UNC5D: variants seen among roughly 807,000 people sequenced by gnomAD.
The protein encoded by UNC5D is unc-5 netrin receptor D, also known as netrin receptor UNC5D.
Under a neutral mutation model 105.4 loss-of-function variants are expected in UNC5D, and 39 were observed. The ratio of observed to expected loss-of-function variants is 0.37; its 90% CI spans 0.29 to 0.48. The LOEUF (loss-of-function observed/expected upper bound fraction) is 0.48. Ranked by LOEUF, UNC5D falls within the 20% of genes least tolerant of loss-of-function variation. UNC5D has a pLI of 0.98. For synonymous variants in UNC5D, 452 were observed against 450.4 expected (o/e 1.00, Z -0.04); for missense variants, 991 against 1,202.4 (o/e 0.82, Z 2.60).
chr8:35,253,915 T>C (rs1244989978), intron 1 of UNC5D, among the ~76,000 whole-genome samples: 1 of 152,226 alleles, frequency 6.6e-6, no homozygotes, highest in Non-Finnish European at 1.5e-5. Context: ...TGGGAATTTT[T>C]TAGTCTGGCA....
chr8:35,460,443 G>A (rs1203985373), intron 1 of UNC5D, among the ~76,000 whole-genome samples: 1 of 152,140 alleles, frequency 6.6e-6, no homozygotes, highest in Non-Finnish European at 1.5e-5. Flanking sequence ...GCCTGAACTT[G>A]TTAACTGGAA....
At chr8:35,786,532 G>A (rs1299452383) in intron 16 of UNC5D, among the ~76,000 whole-genome samples, 2 of 152,052 alleles carry the variant, frequency 1.3e-5, no homozygotes, top group Non-Finnish European at 2.9e-5. Context: ...ATTGTGTTGA[G>A]ACAATGATTC....
At chr8:35,638,043 A>C (rs1193995965) in intron 4 of UNC5D, among the ~76,000 whole-genome samples, 2 of 152,118 alleles carry the variant, frequency 1.3e-5, no homozygotes, top group Non-Finnish European at 2.9e-5. Context: ...TCTTTTATGG[A>C]ATCTTTTCTT....
chr8:35,439,629 G>A (rs372302836), intron 1 of UNC5D, among the ~76,000 whole-genome samples: 2 of 152,026 alleles, frequency 1.3e-5, no homozygotes, highest in African/African-American at 4.8e-5. Flanking sequence ...ACCTGCCAAA[G>A]CCATGGGATA....
At chr8:35,737,682 C>G (rs1829546573) in intron 11 of UNC5D, among the ~76,000 whole-genome samples, 1 of 152,182 alleles carries the variant, frequency 6.6e-6, no homozygotes, top group Non-Finnish European at 1.5e-5. Context: ...GCAAAATCTT[C>G]TGCCTTCCTT....
chr8:35,643,978 G>A (rs902613769), intron 4 of UNC5D, among the ~76,000 whole-genome samples: 1 of 152,036 alleles, frequency 6.6e-6, no homozygotes, highest in African/African-American at 2.4e-5. Context: ...CACAAAACAA[G>A]TAGAGAACAA....
chr8:35,614,023 C>A (rs1455612333), intron 4 of UNC5D, among the ~76,000 whole-genome samples: 1 of 152,110 alleles, frequency 6.6e-6, no homozygotes, highest in Non-Finnish European at 1.5e-5. Flanking sequence ...GAGGGAGGAC[C>A]CCAAAGTTCC....
chr8:35,575,615 G>A (rs1818038553), intron 3 of UNC5D, among the ~76,000 whole-genome samples: 1 of 152,174 alleles, frequency 6.6e-6, no homozygotes, highest in Non-Finnish European at 1.5e-5. Flanking sequence ...TGTTCAGAAT[G>A]TGGATATATT....
intron 1 of UNC5D, among the ~76,000 whole-genome samples, chr8:35,538,987 G>A (rs2130616129): frequency 6.6e-6 from 1 of 152,206 alleles, no homozygotes; most frequent in East Asian, 1.9e-4. Flanking sequence ...ATAGATATGT[G>A]CAGAATTATA....
rs545255428 is a variant in UNC5D at position 35,338,876 on chromosome 8, GCTA to G, written c.103+102993_103+102995del. 2.8e-3 allele frequency among the ~76,000 whole-genome samples: 420 copies of G among 152,132 alleles called. 3 individuals carry two copies. The highest frequency in any genetic ancestry group is 9.6e-3 in the African/African-American group (398 of 41,524). On this transcript the variant is annotated intron_variant, in intron 1 of 16. Coordinates refer to ENST00000404895, the MANE Select transcript of UNC5D (RefSeq NM_080872.4). ...CCTTCACAGGATCAGGCCCTTGAAA[GCTA>G]CTAGATATTTAATTCCACTCTAGGT...
intron 8 of UNC5D, among the ~76,000 whole-genome samples, chr8:35,719,771 T>C (rs1421586034): frequency 6.6e-6 from 1 of 152,204 alleles, no homozygotes; most frequent in Non-Finnish European, 1.5e-5. Context: ...CTTATCTCTC[T>C]ATAGGCATCC....
At chr8:35,293,711 G>T (rs1230016061) in intron 1 of UNC5D, among the ~76,000 whole-genome samples, 1 of 152,180 alleles carries the variant, frequency 6.6e-6, no homozygotes, top group Non-Finnish European at 1.5e-5. Context: ...ATTGTGTCAG[G>T]ATTTGATGGC....
intron 4 of UNC5D, among the ~76,000 whole-genome samples, chr8:35,617,309 C>T (rs1698031190): frequency 6.6e-6 from 1 of 152,168 alleles, no homozygotes; most frequent in African/African-American, 2.4e-5. Context: ...CTTGCCCCCA[C>T]CCTGGAGAGT....
At chr8:35,525,385 A>G in intron 1 of UNC5D, 3 of 1,612,110 alleles carry the variant, frequency 1.9e-6, no homozygotes, top group Non-Finnish European at 2.5e-6. Context: ...TGCCATTTAC[A>G]GTCTTTAATG....
intron 1 of UNC5D, among the ~76,000 whole-genome samples, chr8:35,499,076 T>G (rs1811804530): frequency 6.6e-6 from 1 of 152,196 alleles, no homozygotes; most frequent in African/African-American, 2.4e-5. Context: ...ACAATTGATC[T>G]GCAAATCAAG....
At chr8:35,460,839 A>G (rs1808834328) in intron 1 of UNC5D, among the ~76,000 whole-genome samples, 2 of 152,168 alleles carry the variant, frequency 1.3e-5, no homozygotes, top group South Asian at 4.1e-4. Flanking sequence ...GACCTTCAGC[A>G]CATTTAGAAA....
Position 35,571,967 on chromosome 8 carries a change from A to C in UNC5D, c.466+3726A>C, listed in dbSNP as rs28533572. Among the ~76,000 whole-genome samples the C allele has an allele frequency of 5.6e-3, 860 of 152,244 alleles. 7 individuals carry two copies. Among genetic ancestry groups the C allele is most frequent in the African/African-American group, 0.019 (795 of 41,542 alleles). On this transcript the variant is annotated intron_variant, in intron 3 of 16. Transcript: ENST00000404895. ...TCCTTATGTTTCCTGCGTTTAAACA[A>C]TTATCCAGCAAGAATTACCAATTTT...
At chr8:35,267,859 G>GAAA (rs1804996206) in intron 1 of UNC5D, among the ~76,000 whole-genome samples, 6 of 152,088 alleles carry the variant, frequency 3.9e-5, no homozygotes, top group Admixed American at 3.9e-4. Context: ...AATTGTTCCA[G>GAAA]GTTTGCTGAC....
intron 1 of UNC5D, among the ~76,000 whole-genome samples, chr8:35,313,293 A>T (rs1330152194): frequency 6.6e-6 from 1 of 152,174 alleles, no homozygotes; most frequent in African/African-American, 2.4e-5. Context: ...AGTGTGTAAT[A>T]ATGTCCTTTA....
Sources: gnomAD v4.1 joint callset for allele counts (sites outside exome capture counted in the v4.1 genomes callset) on GRCh38, gnomAD v4.1.1 for gene constraint, MANE v1.5 for transcripts, NCBI Gene and HGNC (gene_info 2026-07-23, HGNC 2026-07-21) for gene names.